The following RGS6 variants were observed in gnomAD, a reference collection of about 807,000 sequenced individuals.
RGS6 encodes regulator of G protein signaling 6.
A neutral mutation model predicts 78.5 loss-of-function variants in RGS6; 30 were observed. That is an observed-to-expected ratio of 0.38 (90% CI 0.29 to 0.52). The LOEUF (loss-of-function observed/expected upper bound fraction) is 0.52, where lower values mean the gene tolerates loss of function less well. Ranked by LOEUF, RGS6 falls within the 20% of genes least tolerant of loss-of-function variation. The probability of loss-of-function intolerance (pLI) is 0.85; values close to 1 mark genes in which losing one functional copy is unlikely to be tolerated. For missense variants in RGS6, 495 were observed against 609.7 expected (o/e 0.81, Z 1.98); for synonymous variants, 206 against 206.0 (o/e 1.00, Z 0.00).
intron 2 of RGS6, among the ~76,000 whole-genome samples, chr14:72,083,224 C>G (rs929342470): frequency 6.6e-6 from 1 of 152,214 alleles, no homozygotes; most frequent in African/African-American, 2.4e-5. Context: ...TCTATTGAAT[C>G]TGACACAGAT....
downstream of RGS6, among the ~76,000 whole-genome samples, chr14:72,568,276 G>A (rs922244390): frequency 6.6e-6 from 1 of 152,220 alleles, no homozygotes; most frequent in Non-Finnish European, 1.5e-5. Context: ...TCGGGTGGCT[G>A]TGAATTAATC....
intron 2 of RGS6, among the ~76,000 whole-genome samples, chr14:72,175,495 C>G (rs1046438450): frequency 1.3e-5 from 2 of 152,186 alleles, no homozygotes; most frequent in African/African-American, 2.4e-5. Context: ...ATGTTATGTT[C>G]TAGGCGTGGG....
At chr14:72,259,324 T>A (rs967290126) in intron 2 of RGS6, among the ~76,000 whole-genome samples, 2 of 152,220 alleles carry the variant, frequency 1.3e-5, no homozygotes, top group Non-Finnish European at 2.9e-5. Context: ...AGCTTTTTTT[T>A]AATGTAGCAA....
chr14:72,199,854 T>C (rs1166254046), intron 2 of RGS6, among the ~76,000 whole-genome samples: 2 of 152,180 alleles, frequency 1.3e-5, no homozygotes, highest in Non-Finnish European at 2.9e-5. Flanking sequence ...CAGTCTGTTT[T>C]TGTTAATAAA....
chr14:72,276,455 G>C lies in RGS6; in HGVS notation c.85-75640G>C, dbSNP rs1464145176. Among the ~76,000 whole-genome samples, 6 of 152,286 alleles carry C rather than the reference G, an allele frequency of 3.9e-5. No homozygotes were observed. The East Asian group carries it at 1.2e-3, about 29-fold the overall frequency. On this transcript the variant is annotated intron_variant, in intron 2 of 17. Transcript: ENST00000553525. ...ATCTGTGATATTAAAATTTCATATGGAGGTAGTTGGGAAAAAATGTCTAAA... is the reference window on the plus strand; with the variant it reads ...ATCTGTGATATTAAAATTTCATATGCAGGTAGTTGGGAAAAAATGTCTAAA...
chr14:72,264,198 G>A (rs950695128), intron 2 of RGS6, among the ~76,000 whole-genome samples: 5 of 152,186 alleles, frequency 3.3e-5, no homozygotes, highest in East Asian at 1.9e-4. Flanking sequence ...AAGGGATCCC[G>A]AATTTATATT....
rs143019186 is a variant in RGS6 at position 72,368,169 on chromosome 14, C to G, written c.184+15975C>G. ...GGTGCCAGCATCTAATGAGGGATAT[C>G]CCATGGCAGTAGGCAGAAAATGGAA... On this transcript the variant is annotated intron_variant, in intron 3 of 17. Coordinates refer to ENST00000553525, the MANE Select transcript of RGS6 (RefSeq NM_001204424.2). Among the ~76,000 whole-genome samples the G allele has an allele frequency of 6.6e-5, 10 of 152,216 alleles. No homozygotes were observed. The East Asian group carries it at 1.9e-3, about 29-fold the overall frequency.
chr14:71,938,206 G>A (rs938910048), intron 1 of RGS6, among the ~76,000 whole-genome samples: 3 of 152,186 alleles, frequency 2.0e-5, no homozygotes, highest in African/African-American at 7.2e-5. Context: ...CACTCAGAAA[G>A]GTCCATCCAC....
the RGS6 span, among the ~76,000 whole-genome samples, chr14:72,575,342 G>A: frequency 6.6e-6 from 1 of 152,158 alleles, no homozygotes. Context: ...ACAGCAGAAG[G>A]TGGAATGGAG....
intron 3 of RGS6, among the ~76,000 whole-genome samples, chr14:72,356,237 G>A (rs1006622776): frequency 1.3e-5 from 2 of 152,058 alleles, no homozygotes; most frequent in African/African-American, 4.8e-5. Flanking sequence ...CATGGGGAAG[G>A]TTCTCCCGTG....
At chr14:72,011,522 C>A (rs1006989063) in intron 2 of RGS6, among the ~76,000 whole-genome samples, 1 of 150,888 alleles carries the variant, frequency 6.6e-6, no homozygotes, top group Non-Finnish European at 1.5e-5. Flanking sequence ...AGAGATCCAA[C>A]AAAAACCCAG....
At chr14:72,494,634 T>C (rs1392733619) in intron 12 of RGS6, among the ~76,000 whole-genome samples, 1 of 152,240 alleles carries the variant, frequency 6.6e-6, no homozygotes, top group Non-Finnish European at 1.5e-5. Context: ...ATCATAATTA[T>C]AACTAGAAAA....
chr14:72,323,770 C>T (rs571126492), intron 2 of RGS6, among the ~76,000 whole-genome samples: 7 of 117,454 alleles, frequency 6.0e-5, no homozygotes, highest in Admixed American at 3.5e-4. Context: ...CACTGCACTC[C>T]AGCCTGGGTG....
At chr14:72,216,019 G>A (rs550564412) in intron 2 of RGS6, among the ~76,000 whole-genome samples, 6 of 152,220 alleles carry the variant, frequency 3.9e-5, no homozygotes, top group East Asian at 3.9e-4. Context: ...TCTGGAAAAC[G>A]GAAAGTATCC....
chr14:72,246,520 G>A (rs847251), intron 2 of RGS6, among the ~76,000 whole-genome samples: 136,475 of 152,244 alleles, frequency 0.9, 61,331 homozygotes, highest in South Asian at 0.93. Context: ...TACTGTGATA[G>A]TTTTCTAACT....
chr14:72,166,135 C>CACAA (rs1555518813), intron 2 of RGS6, among the ~76,000 whole-genome samples: 6 of 60,672 alleles, frequency 9.9e-5, no homozygotes, highest in Admixed American at 5.7e-4. Context: ...CACACACACA[C>CACAA]ACAGACTGAC....
upstream of RGS6, among the ~76,000 whole-genome samples, chr14:71,927,688 C>T (rs574131424): frequency 3.9e-3 from 575 of 147,946 alleles, 6 homozygotes; most frequent in African/African-American, 0.014. Context: ...GACGGAGTTT[C>T]GCTCTGTCGC....
the RGS6 span, among the ~76,000 whole-genome samples, chr14:71,875,163 T>G: frequency 6.6e-6 from 1 of 152,216 alleles, no homozygotes; most frequent in Non-Finnish European, 1.5e-5. Flanking sequence ...CCTCATAAAA[T>G]GAATTAGGGA....
At chr14:72,544,213 C>G (rs2097362969) in intron 17 of RGS6, among the ~76,000 whole-genome samples, 1 of 152,202 alleles carries the variant, frequency 6.6e-6, no homozygotes, top group Non-Finnish European at 1.5e-5. Flanking sequence ...GAGATAGATA[C>G]TGGCTGAAGC....
Sources: allele counts gnomAD v4.1 joint callset (sites outside exome capture counted in the v4.1 genomes callset), GRCh38; gene constraint gnomAD v4.1.1; transcripts MANE v1.5; gene names NCBI Gene and HGNC (gene_info 2026-07-23, HGNC 2026-07-21).